The following LRRC28 variants were observed in gnomAD, a reference collection of about 807,000 sequenced individuals.
LRRC28 encodes leucine-rich repeat-containing protein 28.
In LRRC28, 39 loss-of-function variants were observed where a neutral mutation model predicts 45.7. The ratio of observed to expected loss-of-function variants is 0.85; its 90% CI spans 0.66 to 1.12. The LOEUF (loss-of-function observed/expected upper bound fraction) is 1.12, where lower values mean the gene tolerates loss of function less well. LRRC28 is among the 50% of genes most tolerant of loss of function. LRRC28 has a pLI of 0.00. For missense variants in LRRC28, 435 were observed against 438.5 expected (o/e 0.99, Z 0.07); for synonymous variants, 206 against 178.8 (o/e 1.15, Z -1.22).
intron 2 of LRRC28, among the ~76,000 whole-genome samples, chr15:99,268,792 T>C (rs1337942719): frequency 6.6e-6 from 1 of 152,252 alleles, no homozygotes; most frequent in Non-Finnish European, 1.5e-5. Context: ...TATTTTTATA[T>C]TGCTTTGAAA....
chr15:99,298,427 C>A (rs1420015005), intron 5 of LRRC28, among the ~76,000 whole-genome samples: 1 of 152,170 alleles, frequency 6.6e-6, no homozygotes, highest in Non-Finnish European at 1.5e-5. Context: ...TGAAAGGTAT[C>A]TGTCTCATAA....
chr15:99,319,136 C>G (rs1791360904), intron 5 of LRRC28, among the ~76,000 whole-genome samples: 2 of 152,014 alleles, frequency 1.3e-5, no homozygotes, highest in South Asian at 4.1e-4. Flanking sequence ...TTATTCTGGA[C>G]TATGATGCTG....
intron 6 of LRRC28, among the ~76,000 whole-genome samples, chr15:99,334,556 T>C (rs1220959265): frequency 6.6e-6 from 1 of 152,132 alleles, no homozygotes; most frequent in African/African-American, 2.4e-5. Flanking sequence ...TATTGCCAGA[T>C]AACCAGATTA....
At chr15:99,254,359 T>C (rs181340712) in intron 1 of LRRC28, among the ~76,000 whole-genome samples, 1 of 152,372 alleles carries the variant, frequency 6.6e-6, no homozygotes, top group East Asian at 1.9e-4. Flanking sequence ...AATTAGAATT[T>C]GAAAATAATA....
chr15:99,313,931 C>T (rs1274529105), intron 5 of LRRC28, among the ~76,000 whole-genome samples: 1 of 152,080 alleles, frequency 6.6e-6, no homozygotes, highest in African/African-American at 2.4e-5. Context: ...GGAGCCATCC[C>T]AACCAAGAAA....
chr15:99,285,038 A>G (rs943210426), intron 3 of LRRC28: 2 of 655,860 alleles, frequency 3.0e-6, no homozygotes, highest in Non-Finnish European at 5.8e-6. Flanking sequence ...CTTGGCTTTG[A>G]TGGGGCTTTC....
rs368296893 is a variant in LRRC28 at position 99,387,285 on chromosome 15, C to G, written c.*1183C>G. 1.5e-4 allele frequency: 23 copies of G among 151,942 alleles called. No individual in the cohort carries two copies. The East Asian group carries it at 2.1e-3, about 14-fold the overall frequency. The allele number at this position is 151,942 out of a possible 1,614,324, so 9.4% of individuals were successfully genotyped here. On this transcript the variant is annotated 3_prime_UTR_variant, in exon 10 of 10. Transcript: ENST00000301981. ...CCGTGTTAGCCGGGATGGTCTCGAT[C>G]TCCTGACCTCGTGATCCGCACGCCT...
At chr15:99,306,885 T>C (rs182885359) in intron 5 of LRRC28, among the ~76,000 whole-genome samples, 155 of 152,328 alleles carry the variant, frequency 1.0e-3, no homozygotes, top group African/African-American at 3.6e-3. Flanking sequence ...CATGTTTCCT[T>C]CTTGCTGGTG....
intron 7 of LRRC28, among the ~76,000 whole-genome samples, chr15:99,355,983 C>G (rs1480243694): frequency 6.6e-6 from 1 of 152,204 alleles, no homozygotes; most frequent in Non-Finnish European, 1.5e-5. Context: ...TTCAGTGGAG[C>G]AGGACCAAAG....
intron 7 of LRRC28, among the ~76,000 whole-genome samples, chr15:99,357,544 G>C (rs1204688222): frequency 6.6e-6 from 1 of 152,184 alleles, no homozygotes; most frequent in East Asian, 1.9e-4. Context: ...ATTTGGAATA[G>C]TGCTTCCCTT....
chr15:99,386,610 T>A lies in LRRC28; in HGVS notation c.*508T>A. 6.5e-6 allele frequency: 1 copy of A among 152,932 alleles called. No homozygotes were observed. The highest frequency in any genetic ancestry group is 1.5e-5 in the Non-Finnish European group (1 of 68,586). The allele number at this position is 152,932 out of a possible 1,614,324, so 9.5% of individuals were successfully genotyped here. ...GCCTCAATGGTCTTGAGTAGCAGGGTGGGGCGCCTGAGTTGGCAGCAAAGT... is the reference window on the plus strand; with the variant it reads ...GCCTCAATGGTCTTGAGTAGCAGGGAGGGGCGCCTGAGTTGGCAGCAAAGT... On this transcript the variant is annotated 3_prime_UTR_variant, in exon 10 of 10. Coordinates refer to ENST00000301981, the MANE Select transcript of LRRC28 (RefSeq NM_144598.5).
intron 5 of LRRC28, among the ~76,000 whole-genome samples, chr15:99,330,914 T>C (rs986070966): frequency 2.0e-5 from 3 of 152,178 alleles, no homozygotes; most frequent in African/African-American, 4.8e-5. Context: ...CCTCTGAACA[T>C]GATGAGTCAT....
chr15:99,291,563 C>G (rs1374034008), intron 5 of LRRC28, among the ~76,000 whole-genome samples: 1 of 152,150 alleles, frequency 6.6e-6, no homozygotes, highest in Non-Finnish European at 1.5e-5. Flanking sequence ...GATGTTATCC[C>G]CATTTGACCA....
rs937315689 is a variant in LRRC28 at position 99,389,052 on chromosome 15, A to G, written c.*2950A>G. On this transcript the variant is annotated 3_prime_UTR_variant, in exon 10 of 10. Transcript: ENST00000301981. ...ACATTCTTAAAATACATAATAATTA[A>G]ATGATCCCTATTCAAAAGAACCCTG... 6.6e-6 allele frequency: 1 copy of G among 152,220 alleles called. No homozygotes were observed. The highest frequency in any genetic ancestry group is 1.5e-5 in the Non-Finnish European group (1 of 68,042). The allele number at this position is 152,220 out of a possible 1,614,324, so 9.4% of individuals were successfully genotyped here.
chr15:99,266,158 A>G (rs958320327), intron 2 of LRRC28, among the ~76,000 whole-genome samples: 7 of 152,316 alleles, frequency 4.6e-5, no homozygotes, highest in South Asian at 2.1e-4. Context: ...AGATCTGTCA[A>G]TCATGTTCCT....
chr15:99,260,670 G>A (rs1476753677), intron 2 of LRRC28, among the ~76,000 whole-genome samples: 1 of 152,154 alleles, frequency 6.6e-6, no homozygotes, highest in Non-Finnish European at 1.5e-5. Flanking sequence ...TTTTCCTAGA[G>A]TGCTGAAAAC....
At chr15:99,383,941 T>A (rs933073320) in intron 9 of LRRC28, among the ~76,000 whole-genome samples, 1 of 152,204 alleles carries the variant, frequency 6.6e-6, no homozygotes, top group Non-Finnish European at 1.5e-5. Context: ...TTCTGAGGTA[T>A]AGGTGAAGTA....
chr15:99,267,978 A>T (rs140704117), intron 2 of LRRC28, among the ~76,000 whole-genome samples: 1 of 152,188 alleles, frequency 6.6e-6, no homozygotes, highest in East Asian at 1.9e-4. Context: ...TTTATAATTT[A>T]GACAATTTTT....
intron 3 of LRRC28, 148 bp downstream of exon 3, chr15:99,276,764 A>AC: frequency 2.0e-6 from 1 of 499,756 alleles, no homozygotes. Context: ...CTGTGGTTCT[A>AC]CTAAACCCAA....
Sources: allele counts gnomAD v4.1 joint callset (sites outside exome capture counted in the v4.1 genomes callset), GRCh38; gene constraint gnomAD v4.1.1; transcripts MANE v1.5; gene names NCBI Gene and HGNC (gene_info 2026-07-23, HGNC 2026-07-21).